STXBP5L: variants seen among roughly 807,000 people sequenced by gnomAD.
The protein encoded by STXBP5L is syntaxin-binding protein 5-like.
STXBP5L carries 65 observed loss-of-function variants against 144.5 expected under a neutral mutation model. That is an observed-to-expected ratio of 0.45 (90% CI 0.37 to 0.55). The LOEUF (loss-of-function observed/expected upper bound fraction) is 0.55. Among genes scored for constraint, STXBP5L ranks in the 20% least tolerant of loss-of-function variants. STXBP5L has a pLI of 0.00. For synonymous variants in STXBP5L, 505 were observed against 469.6 expected, an observed-to-expected ratio of 1.08 and a Z score of -0.97; for missense variants, 1,298 against 1,405.5, an observed-to-expected ratio of 0.92 and a Z score of 1.22.
intron 3 of STXBP5L, among the ~76,000 whole-genome samples, chr3:120,976,395 C>G (rs1301784142): frequency 6.6e-6 from 1 of 152,054 alleles, no homozygotes; most frequent in African/African-American, 2.4e-5. Flanking sequence ...GTGATATCCC[C>G]TCTATCATTT....
At chr3:121,305,881 T>G (rs947973358) in intron 19 of STXBP5L, among the ~76,000 whole-genome samples, 1 of 152,122 alleles carries the variant, frequency 6.6e-6, no homozygotes, top group South Asian at 2.1e-4. Context: ...ATGGTGTATG[T>G]AGAAAACCCA....
At chr3:120,971,638 TACAC>T (rs10576644) in intron 3 of STXBP5L, among the ~76,000 whole-genome samples, 14,230 of 146,308 alleles carry the variant, frequency 0.097, 1,077 homozygotes, top group Admixed American at 0.21. Flanking sequence ...CATGCATACA[TACAC>T]ACACACACAC....
intron 5 of STXBP5L, among the ~76,000 whole-genome samples, chr3:121,111,705 A>G (rs1207243336): frequency 6.6e-6 from 1 of 152,182 alleles, no homozygotes; most frequent in African/African-American, 2.4e-5. Flanking sequence ...GTCAAGAGGC[A>G]TGGGATCAGG....
In STXBP5L at chr3:121,361,069, C is replaced by A. The variant is rs1348040309; in HGVS notation, c.2177-17647C>A. Among the ~76,000 whole-genome samples the A allele has an allele frequency of 3.9e-5, 6 of 152,084 alleles. 1 individual carries two copies. Among genetic ancestry groups the A allele is most frequent in the African/African-American group, 1.2e-4 (5 of 41,432 alleles). Reference sequence around the variant, plus strand: ...GGATATTTTCACCAGATATACTATTCTAGGGTAAAAGGTTTTTCCTTCAGC... The same window carrying A: ...GGATATTTTCACCAGATATACTATTATAGGGTAAAAGGTTTTTCCTTCAGC... On this transcript the variant is annotated intron_variant, in intron 20 of 26. Coordinates refer to ENST00000471454, the MANE Select transcript of STXBP5L (RefSeq NM_001308330.2).
At chr3:121,036,298 A>G (rs938750855) in intron 3 of STXBP5L, among the ~76,000 whole-genome samples, 1 of 152,056 alleles carries the variant, frequency 6.6e-6, no homozygotes, top group Admixed American at 6.6e-5. Context: ...GAGCCACTGT[A>G]CTCCAGCCTG....
At chr3:121,191,314 G>C (rs1389846861) in intron 9 of STXBP5L, among the ~76,000 whole-genome samples, 1 of 152,200 alleles carries the variant, frequency 6.6e-6, no homozygotes, top group South Asian at 2.1e-4. Flanking sequence ...GAGGCTGGCA[G>C]ATCACTCGCG....
At chr3:121,105,996 A>G (rs1559752561) in intron 5 of STXBP5L, among the ~76,000 whole-genome samples, 2 of 152,196 alleles carry the variant, frequency 1.3e-5, no homozygotes, top group Non-Finnish European at 2.9e-5. Context: ...AGGTCTGCCC[A>G]TTTTTCAAAG....
intron 3 of STXBP5L, among the ~76,000 whole-genome samples, chr3:121,031,821 G>C (rs1237229958): frequency 6.6e-6 from 1 of 152,058 alleles, no homozygotes; most frequent in Non-Finnish European, 1.5e-5. Context: ...AAAAATAGAT[G>C]TACTCAAGAG....
intron 9 of STXBP5L, among the ~76,000 whole-genome samples, chr3:121,202,734 T>C (rs1279520304): frequency 6.6e-6 from 1 of 152,108 alleles, no homozygotes; most frequent in East Asian, 1.9e-4. Context: ...TCACATTCCA[T>C]TGCCTTTCAG....
intron 5 of STXBP5L, among the ~76,000 whole-genome samples, chr3:121,094,347 G>C (rs1296542388): frequency 6.6e-6 from 1 of 152,080 alleles, no homozygotes; most frequent in African/African-American, 2.4e-5. Flanking sequence ...CTGTCTCGTT[G>C]ATCTGTCTAA....
intron 22 of STXBP5L, among the ~76,000 whole-genome samples, chr3:121,381,847 A>T (rs138913340): frequency 6.6e-6 from 1 of 152,268 alleles, no homozygotes; most frequent in East Asian, 1.9e-4. Context: ...TTTTTAACAA[A>T]TTGAAGCATT....
chr3:121,061,898 C>G (rs1351028722), intron 5 of STXBP5L, among the ~76,000 whole-genome samples: 2 of 150,372 alleles, frequency 1.3e-5, no homozygotes, highest in Non-Finnish European at 2.9e-5. Flanking sequence ...ATACAACACT[C>G]TGATGTGTCT....
intron 20 of STXBP5L, among the ~76,000 whole-genome samples, chr3:121,323,534 T>G (rs1275824911): frequency 6.6e-6 from 1 of 152,296 alleles, no homozygotes; most frequent in Non-Finnish European, 1.5e-5. Context: ...TTGAGTCAAA[T>G]GGAATGCCAA....
At chr3:120,914,135 T>A (rs988647733) in intron 2 of STXBP5L, among the ~76,000 whole-genome samples, 1 of 152,030 alleles carries the variant, frequency 6.6e-6, no homozygotes, top group Non-Finnish European at 1.5e-5. Context: ...TTCTCATTTT[T>A]AAATGATCTT....
At chr3:120,983,692 G>A (rs79691825) in intron 3 of STXBP5L, among the ~76,000 whole-genome samples, 2,506 of 152,134 alleles carry the variant, frequency 0.016, 60 homozygotes, top group African/African-American at 0.057. Flanking sequence ...TAGGAGTGTG[G>A]AGCCCTAGGG....
intron 19 of STXBP5L, among the ~76,000 whole-genome samples, 162 bp from the exon 20 acceptor site, chr3:121,318,312 TA>T (rs1319426659): frequency 2.0e-5 from 3 of 151,690 alleles, no homozygotes; most frequent in Non-Finnish European, 4.4e-5. Context: ...AAAAAAAAAT[TA>T]ATAAAAATAT....
intron 14 of STXBP5L, among the ~76,000 whole-genome samples, chr3:121,250,176 T>G (rs1366595113): frequency 6.6e-6 from 1 of 152,042 alleles, no homozygotes; most frequent in Non-Finnish European, 1.5e-5. Flanking sequence ...TTTTATGTGG[T>G]TTTGGTGTCA....
chr3:121,030,504 G>A (rs561414885), intron 3 of STXBP5L, among the ~76,000 whole-genome samples: 1 of 152,022 alleles, frequency 6.6e-6, no homozygotes, highest in Non-Finnish European at 1.5e-5. Flanking sequence ...ACAGCATGGC[G>A]AACATCACAC....
chr3:121,241,357 TAAC>T (rs199941908), intron 14 of STXBP5L, among the ~76,000 whole-genome samples: 2,002 of 143,114 alleles, frequency 0.014, 44 homozygotes, highest in African/African-American at 0.049. Flanking sequence ...TACTTAGGTT[TAAC>T]AACAACACAC....
Sources: gnomAD v4.1 joint callset for allele counts (sites outside exome capture counted in the v4.1 genomes callset) on GRCh38, gnomAD v4.1.1 for gene constraint, MANE v1.5 for transcripts, NCBI Gene and HGNC (gene_info 2026-07-23, HGNC 2026-07-21) for gene names.